XNDC1N: variants seen among roughly 807,000 people sequenced by gnomAD.
XNDC1N encodes XRCC1 N-terminal domain containing 1, N-terminal like.
At chr11:71,888,293 C>T in the XNDC1N span, among the ~76,000 whole-genome samples, 6 of 152,282 alleles carry the variant, frequency 3.9e-5, no homozygotes, top group African/African-American at 7.2e-5. Flanking sequence ...TGCCATCTAG[C>T]GGAGCCTAAG....
chr11:71,889,730 C>A, the XNDC1N span, among the ~76,000 whole-genome samples: 31 of 152,312 alleles, frequency 2.0e-4, no homozygotes, highest in Non-Finnish European at 4.4e-4. Flanking sequence ...CAAGGTCTAG[C>A]TGTTCTGCCC....
At chr11:71,881,287 G>GT in the XNDC1N span, among the ~76,000 whole-genome samples, 1 of 151,962 alleles carries the variant, frequency 6.6e-6, no homozygotes, top group African/African-American at 2.4e-5. Context: ...CTCTTTTTAT[G>GT]TTTTTTCACT....
the XNDC1N span, among the ~76,000 whole-genome samples, chr11:71,905,375 A>G: frequency 6.6e-6 from 1 of 151,910 alleles, no homozygotes; most frequent in Non-Finnish European, 1.5e-5. Flanking sequence ...GGATATTACG[A>G]ATAACATCAC....
At chr11:71,891,464 A>G in the XNDC1N span, among the ~76,000 whole-genome samples, 1 of 151,920 alleles carries the variant, frequency 6.6e-6, no homozygotes, top group African/African-American at 2.4e-5. Flanking sequence ...GAGTAATGTC[A>G]TCCTCCCCAA....
chr11:71,926,603 T>TA, the XNDC1N span, among the ~76,000 whole-genome samples: 1 of 152,166 alleles, frequency 6.6e-6, no homozygotes, highest in East Asian at 1.9e-4. Flanking sequence ...ACAACGTATC[T>TA]AAAAAATTAT....
the XNDC1N span, chr11:71,903,791 T>A: frequency 2.8e-6 from 1 of 357,172 alleles, no homozygotes; most frequent in Admixed American, 3.8e-5. Context: ...CATCAACATG[T>A]ATTTCCCTGC....
At chr11:71,901,156 C>T in the XNDC1N span, among the ~76,000 whole-genome samples, 3 of 152,170 alleles carry the variant, frequency 2.0e-5, no homozygotes, top group African/African-American at 2.4e-5. Context: ...CTCTCCCTTG[C>T]CCCTGTTCCT....
chr11:71,887,405 C>G, the XNDC1N span, among the ~76,000 whole-genome samples: 2 of 152,132 alleles, frequency 1.3e-5, no homozygotes, highest in Admixed American at 6.5e-5. Context: ...GAGCACGGCT[C>G]TTTGCTGCTA....
the XNDC1N span, among the ~76,000 whole-genome samples, chr11:71,870,502 G>C: frequency 6.6e-6 from 1 of 152,076 alleles, no homozygotes; most frequent in Non-Finnish European, 1.5e-5. Flanking sequence ...AGTTCTAACT[G>C]CAAAAGCACA....
chr11:71,900,837 G>A, the XNDC1N span, among the ~76,000 whole-genome samples: 2 of 152,276 alleles, frequency 1.3e-5, no homozygotes, highest in African/African-American at 4.8e-5. Context: ...ACTAGAAAAG[G>A]AGCAACGCCT....
the XNDC1N span, among the ~76,000 whole-genome samples, chr11:71,920,082 C>G: frequency 1.4e-5 from 2 of 142,880 alleles, no homozygotes; most frequent in Non-Finnish European, 3.1e-5. Context: ...CTCAGCCTCC[C>G]GAATAGCTGG....
chr11:71,905,968 C>A, the XNDC1N span, among the ~76,000 whole-genome samples: 1 of 151,926 alleles, frequency 6.6e-6, no homozygotes, highest in African/African-American at 2.4e-5. Flanking sequence ...TAGCATCCCC[C>A]TACAATATTG....
chr11:71,913,407 T>G, the XNDC1N span, among the ~76,000 whole-genome samples: 2 of 151,914 alleles, frequency 1.3e-5, no homozygotes, highest in Non-Finnish European at 2.9e-5. Context: ...ACCTTGTAAA[T>G]CCCAGCACTT....
At chr11:71,865,824 G>A in the XNDC1N span, 34 of 446,462 alleles carry the variant, frequency 7.6e-5, no homozygotes, top group Non-Finnish European at 8.0e-5. Context: ...ATGTTTAGCA[G>A]CCTCTCTTGC....
the XNDC1N span, chr11:71,894,343 C>T: frequency 1.3e-5 from 5 of 385,304 alleles, no homozygotes; most frequent in Middle Eastern, 7.2e-4. Flanking sequence ...CATCTACAGC[C>T]TGAGAAACAG....
the XNDC1N span, among the ~76,000 whole-genome samples, chr11:71,897,655 G>T: frequency 6.6e-6 from 1 of 152,230 alleles, no homozygotes; most frequent in South Asian, 2.1e-4. Context: ...AGTATGGCGT[G>T]TACTGGAAAA....
chr11:71,908,554 C>G, the XNDC1N span, among the ~76,000 whole-genome samples: 1 of 152,062 alleles, frequency 6.6e-6, no homozygotes, highest in Admixed American at 6.6e-5. Flanking sequence ...GAGAGAGCAG[C>G]GATATACTGG....
At chr11:71,866,806 T>C in the XNDC1N span, among the ~76,000 whole-genome samples, 10 of 152,000 alleles carry the variant, frequency 6.6e-5, no homozygotes, top group East Asian at 1.9e-4. Flanking sequence ...ACATGAAAGC[T>C]TGAGATACTC....
the XNDC1N span, among the ~76,000 whole-genome samples, chr11:71,900,701 G>A: frequency 4.6e-5 from 7 of 152,176 alleles, no homozygotes; most frequent in African/African-American, 1.2e-4. Flanking sequence ...AGACACCATG[G>A]CATCATGAAC....
Sources: allele counts gnomAD v4.1 joint callset (sites outside exome capture counted in the v4.1 genomes callset), GRCh38; gene constraint gnomAD v4.1.1; transcripts MANE v1.5; gene names NCBI Gene and HGNC (gene_info 2026-07-23, HGNC 2026-07-21).